The following RAPGEF4 variants were observed in gnomAD, a reference collection of about 807,000 sequenced individuals.
RAPGEF4 encodes the protein Rap guanine nucleotide exchange factor 4.
Under a neutral mutation model 147.9 loss-of-function variants are expected in RAPGEF4, and 66 were observed. The observed-to-expected ratio is 0.45, with a 90% CI of 0.37 to 0.55. The LOEUF is 0.55. Ranked by LOEUF, RAPGEF4 falls within the 20% of genes least tolerant of loss-of-function variation. RAPGEF4 has a pLI of 0.00. For synonymous variants in RAPGEF4, 419 were observed against 442.7 expected (o/e 0.95, Z 0.67); for missense variants, 1,071 against 1,257.3 (o/e 0.85, Z 2.24).
intron 26 of RAPGEF4, 80 bp downstream of exon 26, chr2:173,030,334 A>C (rs1697072125): frequency 1.8e-6 from 2 of 1,098,328 alleles, no homozygotes; most frequent in South Asian, 1.3e-5. Flanking sequence ...TTTTAATAGA[A>C]ATATCACTCA....
chr2:172,792,107 T>A (rs1354367995), intron 1 of RAPGEF4, among the ~76,000 whole-genome samples: 1 of 152,232 alleles, frequency 6.6e-6, no homozygotes, highest in Non-Finnish European at 1.5e-5. Context: ...CCAGTGCTTC[T>A]GTGGCCGCAA....
At chr2:172,779,492 A>G (rs1275809987) in intron 1 of RAPGEF4, among the ~76,000 whole-genome samples, 2 of 152,176 alleles carry the variant, frequency 1.3e-5, no homozygotes, top group African/African-American at 4.8e-5. Context: ...CAGCCAAGAC[A>G]CGAGTGTGTT....
intron 4 of RAPGEF4, among the ~76,000 whole-genome samples, chr2:172,905,078 C>T (rs1575190156): frequency 6.6e-6 from 1 of 152,086 alleles, no homozygotes. Flanking sequence ...TAACACTCGA[C>T]CTGCTCCCTT....
intron 1 of RAPGEF4, among the ~76,000 whole-genome samples, chr2:172,767,393 G>T (rs1054414310): frequency 6.6e-6 from 1 of 151,934 alleles, no homozygotes; most frequent in Admixed American, 6.5e-5. Context: ...TGGTCAGGCT[G>T]GTCTCGAACT....
intron 4 of RAPGEF4, among the ~76,000 whole-genome samples, chr2:172,850,711 T>C (rs935551413): frequency 6.6e-6 from 1 of 152,200 alleles, no homozygotes; most frequent in African/African-American, 2.4e-5. Context: ...GCCAGAACTA[T>C]CTACTATTAA....
At chr2:172,953,134 A>C (rs890040099) in intron 6 of RAPGEF4, among the ~76,000 whole-genome samples, 1 of 151,802 alleles carries the variant, frequency 6.6e-6, no homozygotes, top group African/African-American at 2.4e-5. Flanking sequence ...CTGAGACCAC[A>C]CTGTAGTCTT....
At position 172,960,749 on chromosome 2, in the gene RAPGEF4, T is replaced by G. The variant is rs995249135; in HGVS notation, c.538-11T>G. The G allele has an allele frequency of 3.3e-5, 53 of 1,591,670 alleles. No individual in the cohort carries two copies. Among genetic ancestry groups the G allele is most frequent in the Non-Finnish European group, 4.5e-5 (52 of 1,166,786 alleles). ...TTTAATTTTCTTTTGCTTTAACATT[T>G]TATTTTTCAGACACCTCTCATTGAA... is the stretch of plus-strand genomic sequence containing the variant. On this transcript the variant is annotated splice_polypyrimidine_tract_variant and intron_variant, in intron 6 of 30. Coordinates refer to ENST00000397081, the MANE Select transcript of RAPGEF4 (RefSeq NM_007023.4).
rs144790438 is a variant in RAPGEF4 at position 172,874,227 on chromosome 2, T to C, written c.445-43575T>C. On this transcript the variant is annotated intron_variant, in intron 4 of 30. Transcript: ENST00000397081. Reference sequence around the variant, plus strand: ...ATACCCAAAGGATTATAAATAATTCTATTATAAAGACACGTGCACGTGTAT... The same window carrying C: ...ATACCCAAAGGATTATAAATAATTCCATTATAAAGACACGTGCACGTGTAT... Among the ~76,000 whole-genome samples the C allele has an allele frequency of 5.3e-3, 806 of 152,314 alleles. 7 individuals are homozygous for C. Among genetic ancestry groups the C allele is most frequent in the African/African-American group, 0.018 (755 of 41,566 alleles).
intron 4 of RAPGEF4, among the ~76,000 whole-genome samples, chr2:172,826,858 G>A (rs953558943): frequency 1.3e-5 from 2 of 152,040 alleles, no homozygotes; most frequent in Non-Finnish European, 2.9e-5. Flanking sequence ...TGTAGCCATG[G>A]GAGGCTGAGG....
At chr2:172,954,383 T>G (rs1559142570) in intron 6 of RAPGEF4, among the ~76,000 whole-genome samples, 1 of 152,224 alleles carries the variant, frequency 6.6e-6, no homozygotes, top group Non-Finnish European at 1.5e-5. Flanking sequence ...ATTTTCACTT[T>G]TTTCTTGGCC....
At chr2:172,979,411 C>T (rs368669787) in intron 10 of RAPGEF4, among the ~76,000 whole-genome samples, 3 of 152,230 alleles carry the variant, frequency 2.0e-5, no homozygotes, top group East Asian at 3.8e-4. Context: ...CAATACCACC[C>T]TACATTTGTA....
chr2:172,916,650 G>A lies in RAPGEF4; in HGVS notation c.445-1152G>A, dbSNP rs144870274. 9.8e-3 allele frequency among the ~76,000 whole-genome samples: 1,489 copies of A among 152,242 alleles called. 46 individuals are homozygous for A. In the South Asian group the frequency reaches 0.13, roughly 13 times the overall value. On this transcript the variant is annotated intron_variant, in intron 4 of 30. Coordinates refer to ENST00000397081, the MANE Select transcript of RAPGEF4 (RefSeq NM_007023.4). ...TTTTAATGTTTGCATGCAGGTGTTG[G>A]TATAGTTGCCTCAGAATGAGAAGAA...
In RAPGEF4 at chr2:173,052,058, T is replaced by A; in HGVS notation, c.*291T>A. 4.8e-6 allele frequency: 1 copy of A among 210,280 alleles called. No individual in the cohort carries two copies. Among genetic ancestry groups the A allele is most frequent in the East Asian group, 1.0e-4 (1 of 9,840 alleles). The allele number at this position is 210,280 out of a possible 1,614,324, so 13.0% of individuals were successfully genotyped here. A position where few individuals can be genotyped will look rare whatever the true frequency, so the allele number is the denominator to read the frequency against. ...GCTGAAGTGTTGAATAAGGCCCACG[T>A]GAAGAGTTTGGTAGAAATAGCCTTG... On this transcript the variant is annotated 3_prime_UTR_variant, in exon 31 of 31. Transcript: ENST00000397081.
chr2:172,950,263 G>A (rs537347229), intron 6 of RAPGEF4, among the ~76,000 whole-genome samples: 1 of 152,252 alleles, frequency 6.6e-6, no homozygotes, highest in African/African-American at 2.4e-5. Context: ...CTGGGTTTCT[G>A]GGGTCCAATG....
At chr2:172,860,590 G>C (rs1056148559) in intron 4 of RAPGEF4, among the ~76,000 whole-genome samples, 1 of 125,328 alleles carries the variant, frequency 8.0e-6, no homozygotes, top group Non-Finnish European at 1.7e-5. Flanking sequence ...TTTTGGTTTT[G>C]TTTTACGGGG....
At chr2:172,737,576 AAC>A (rs1245746111) in intron 1 of RAPGEF4, among the ~76,000 whole-genome samples, 4 of 152,216 alleles carry the variant, frequency 2.6e-5, no homozygotes, top group African/African-American at 9.6e-5. Flanking sequence ...GAGCAATACT[AAC>A]ACAAGTGGGA....
intron 26 of RAPGEF4, among the ~76,000 whole-genome samples, chr2:173,031,387 A>C (rs1034625108): frequency 6.6e-6 from 1 of 152,246 alleles, no homozygotes. Flanking sequence ...GCACAAAGCC[A>C]TAATGCAACT....
chr2:172,983,448 T>A, intron 10 of RAPGEF4, 48 bp from the exon 11 acceptor site: 1 of 1,575,096 alleles, frequency 6.3e-7, no homozygotes, highest in Non-Finnish European at 8.5e-7. Context: ...TTTGAGGCCC[T>A]AGTGATGCCC....
At chr2:173,048,737 G>A in intron 30 of RAPGEF4, 83 bp downstream of exon 30, 3 of 1,595,580 alleles carry the variant, frequency 1.9e-6, no homozygotes, top group Non-Finnish European at 2.6e-6. Context: ...CACCCTTGGA[G>A]CCTGGGAAAT....
Sources: allele counts gnomAD v4.1 joint callset (sites outside exome capture counted in the v4.1 genomes callset), GRCh38; gene constraint gnomAD v4.1.1; transcripts MANE v1.5; gene names NCBI Gene and HGNC (gene_info 2026-07-23, HGNC 2026-07-21).